CSF1R: variants seen among roughly 807,000 people sequenced by gnomAD.
The protein encoded by CSF1R is macrophage colony-stimulating factor 1 receptor.
Under a neutral mutation model 110.0 loss-of-function variants are expected in CSF1R, and 40 were observed. That is an observed-to-expected ratio of 0.36 (90% CI 0.28 to 0.47). The LOEUF (loss-of-function observed/expected upper bound fraction) is 0.47. Ranked by LOEUF, CSF1R falls within the 20% of genes least tolerant of loss-of-function variation. The probability of loss-of-function intolerance (pLI) is 0.99; values close to 1 mark genes in which losing one functional copy is unlikely to be tolerated. For missense variants in CSF1R, 1,052 were observed against 1,253.0 expected, an observed-to-expected ratio of 0.84 and a Z score of 2.42; for synonymous variants, 523 against 503.4, an observed-to-expected ratio of 1.04 and a Z score of -0.52.
chr5:150,076,935 T>G, intron 5 of CSF1R: 1 of 353,306 alleles, frequency 2.8e-6, no homozygotes, highest in Non-Finnish European at 5.4e-6. Context: ...TGGGTGATCA[T>G]TGTCTTTTCA....
At chr5:150,055,558 G>A (rs1279921006) in intron 18 of CSF1R, among the ~76,000 whole-genome samples, 1 of 152,230 alleles carries the variant, frequency 6.6e-6, no homozygotes, top group African/African-American at 2.4e-5. Context: ...AAACATTCTT[G>A]CACAGGCTTT....
chr5:150,101,463 C>G (rs1759401023), intron 1 of CSF1R, among the ~76,000 whole-genome samples: 1 of 152,098 alleles, frequency 6.6e-6, no homozygotes, highest in African/African-American at 2.4e-5. Flanking sequence ...ATAGAGTGAG[C>G]TAAGGGAAGA....
chr5:150,056,986 G>A (rs896641749), intron 16 of CSF1R, among the ~76,000 whole-genome samples: 11 of 152,188 alleles, frequency 7.2e-5, no homozygotes, highest in African/African-American at 2.4e-4. Context: ...CAGACCGCGT[G>A]CTTTATGAGC....
At chr5:150,084,117 G>A (rs1023068007) in intron 1 of CSF1R, among the ~76,000 whole-genome samples, 4 of 151,836 alleles carry the variant, frequency 2.6e-5, no homozygotes, top group African/African-American at 4.8e-5. Flanking sequence ...CAGGGGGATC[G>A]CTTGAGTTCA....
In CSF1R at chr5:150,078,148, A is replaced by G; in HGVS notation, c.693T>C (p.Val231=). 1 of 1,614,098 alleles carries G rather than the reference A, an allele frequency of 6.2e-7. No homozygotes were observed. Among genetic ancestry groups the G allele is most frequent in the Non-Finnish European group, 8.5e-7 (1 of 1,180,006 alleles). Residue 231 remains valine, a synonymous_variant, in exon 4 of 21, where the codon GTT becomes GTC. Transcript: ENST00000675795. ...QIVCSASSVD[V]NFDVFLQHNN... Reference sequence around the variant, plus strand: ...TGTGTTGGAGGAAGACATCAAAGTTAACATCAACGCTGCTGGCTGAGCACA... The same window carrying G: ...TGTGTTGGAGGAAGACATCAAAGTTGACATCAACGCTGCTGGCTGAGCACA...
At chr5:150,096,464 A>G (rs2113858411) in intron 1 of CSF1R, among the ~76,000 whole-genome samples, 1 of 152,354 alleles carries the variant, frequency 6.6e-6, no homozygotes, top group Non-Finnish European at 1.5e-5. Context: ...AGGAGAGATG[A>G]CTTTTTAATT....
At chr5:150,067,715 T>C (rs1757835144) in intron 10 of CSF1R, among the ~76,000 whole-genome samples, 2 of 152,184 alleles carry the variant, frequency 1.3e-5, no homozygotes, top group African/African-American at 4.8e-5. Context: ...GACACCACGC[T>C]TGTATATCCA....
chr5:150,092,831 T>A (rs2113854218), intron 1 of CSF1R, among the ~76,000 whole-genome samples: 1 of 152,232 alleles, frequency 6.6e-6, no homozygotes, highest in Non-Finnish European at 1.5e-5. Context: ...ATGATAAAGT[T>A]TATCAGTTAG....
chr5:150,078,115 G>T lies in CSF1R; in HGVS notation c.726C>A (p.Thr242=), dbSNP rs2228422. 1 of 1,613,750 alleles carries T rather than the reference G, an allele frequency of 6.2e-7. No homozygotes were observed. ...CTTGTGATCTGCAGGGACTGACCTT[G>T]GTGTTGTTGTGTTGGAGGAAGACAT... ...NFDVFLQHNN[T]KLAIPQQSDF... is the part of the protein sequence containing the mutation. Residue 242 remains threonine, a synonymous_variant, in exon 4 of 21, where the codon ACC becomes ACA. Coordinates refer to ENST00000675795, the MANE Select transcript of CSF1R (RefSeq NM_001288705.3).
In CSF1R at chr5:150,081,477, A is replaced by G. The variant is rs534023171; in HGVS notation, c.50-453T>C. ...TAATTCATATGGGAAAGAAAAAAAA[A>G]GAGATGTAGGATCTTAGCCCAGCAG... On this transcript the variant is annotated intron_variant, in intron 1 of 20. Transcript: ENST00000675795. 5.3e-5 allele frequency among the ~76,000 whole-genome samples: 8 copies of G among 152,274 alleles called. No homozygotes were observed. In the East Asian group the frequency reaches 1.4e-3, roughly 26 times the overall value.
At position 150,096,619 on chromosome 5, in the gene CSF1R, A is replaced by G. The variant is rs559963604; in HGVS notation, c.-180-10012T>C. 6.5e-4 allele frequency among the ~76,000 whole-genome samples: 99 copies of G among 152,328 alleles called. 2 individuals are homozygous for G. The highest frequency in any genetic ancestry group is 6.6e-4 in the Non-Finnish European group (45 of 68,034). ...GCAAATCAAATTTAAGTATATATAAAAAGGATAATGCATCATGTCCAAGTG... is the reference window on the plus strand; with the variant it reads ...GCAAATCAAATTTAAGTATATATAAGAAGGATAATGCATCATGTCCAAGTG... On this transcript the variant is annotated intron_variant, in intron 1 of 21. Transcript: ENST00000286301.
Position 150,068,199 on chromosome 5 carries a change from C to A in CSF1R, c.1626+16G>T. On this transcript the variant is annotated intron_variant, in intron 10 of 20. Transcript: ENST00000675795. ...CTCACTCAGGCACCTGGCAGCCCCA[C>A]TCCGCTCCGGCTCACCTGCTTATAC... 1 of 1,602,086 alleles carries A rather than the reference C, an allele frequency of 6.2e-7. No individual in the cohort carries two copies. Among genetic ancestry groups the A allele is most frequent in the Admixed American group, 1.7e-5 (1 of 59,660 alleles).
At chr5:150,093,245 A>G (rs939795835) in intron 1 of CSF1R, among the ~76,000 whole-genome samples, 1 of 151,990 alleles carries the variant, frequency 6.6e-6, no homozygotes, top group Non-Finnish European at 1.5e-5. Context: ...TGTCTGGCTA[A>G]TTTTTGCATT....
Position 150,055,247 on chromosome 5 carries a change from G to T in CSF1R, c.2644C>A (p.Pro882Thr). ...GYQMAQPAFA[P>T]KNIYSIMQAC... is the part of the protein sequence containing the mutation. The stretch of plus-strand genomic sequence containing the variant: ...GATCCCTTCGCTTACATATTCTTTG[G>T]GGCAAATGCAGGCTGGGCCATTTGG... The change falls in exon 19 of 21, where the codon CCA (proline) becomes ACA (threonine). Residue 882 changes from proline to threonine, a missense_variant. By Grantham distance (38) the Pro-to-Thr change is conservative. This residue lies in a region of CSF1R where 74 missense variants were observed against 187.4 expected (regional missense o/e 0.39). Transcript: ENST00000675795. 4 of 1,614,048 alleles carry T rather than the reference G, an allele frequency of 2.5e-6. No homozygotes were observed. The highest frequency in any genetic ancestry group is 3.4e-6 in the Non-Finnish European group (4 of 1,179,932).
intron 5 of CSF1R, among the ~76,000 whole-genome samples, chr5:150,074,330 CAG>C (rs1006934379): frequency 1.1e-4 from 9 of 82,786 alleles, no homozygotes; most frequent in Non-Finnish European, 1.6e-4. Flanking sequence ...TTTTTTGAAA[CAG>C]AGTCTTGCTC....
At position 150,053,398 on chromosome 5, in the gene CSF1R, C is replaced by T. The variant is rs562339049; in HGVS notation, c.*671G>A. ...AGTTTGTGCTTCCTGCTTGGTGTGG[C>T]CAGCCACATGCCAAGGTCCCCTGCC... On this transcript the variant is annotated 3_prime_UTR_variant, in exon 21 of 21. Coordinates refer to ENST00000675795, the MANE Select transcript of CSF1R (RefSeq NM_001288705.3). 2.1e-5 allele frequency: 5 copies of T among 234,240 alleles called. No individual in the cohort carries two copies. The highest frequency in any genetic ancestry group is 1.7e-4 in the Admixed American group (3 of 17,870). 14.5% of individuals were successfully genotyped at this position (234,240 alleles called of 1,614,324 possible).
intron 1 of CSF1R, among the ~76,000 whole-genome samples, chr5:150,098,738 G>A (rs180788495): frequency 2.0e-4 from 30 of 152,124 alleles, no homozygotes; most frequent in Non-Finnish European, 3.8e-4. Flanking sequence ...AAGATAATTT[G>A]CCATATAAAA....
chr5:150,064,765 G>C (rs942910508), intron 10 of CSF1R, among the ~76,000 whole-genome samples: 1 of 152,152 alleles, frequency 6.6e-6, no homozygotes, highest in Non-Finnish European at 1.5e-5. Flanking sequence ...GGAGGATGGA[G>C]GTTTGGCTGG....
chr5:150,064,799 G>T (rs1037196209), intron 10 of CSF1R, among the ~76,000 whole-genome samples: 1 of 152,056 alleles, frequency 6.6e-6, no homozygotes, highest in Non-Finnish European at 1.5e-5. Flanking sequence ...TGAATCCTAG[G>T]CTCCTAATTT....
Sources: allele counts gnomAD v4.1 joint callset (sites outside exome capture counted in the v4.1 genomes callset), GRCh38; gene constraint gnomAD v4.1.1; regional missense constraint gnomAD v4.1.1; transcripts MANE v1.5; gene names NCBI Gene and HGNC (gene_info 2026-07-23, HGNC 2026-07-21).